The following C13orf42 variants were observed in gnomAD, a reference collection of about 807,000 sequenced individuals.
C13orf42 encodes uncharacterized protein C13orf42.
intron 1 of C13orf42, among the ~76,000 whole-genome samples, chr13:51,129,524 T>C (rs1953599635): frequency 6.6e-6 from 1 of 152,148 alleles, no homozygotes; most frequent in Non-Finnish European, 1.5e-5. Flanking sequence ...AAATTTTGAT[T>C]CAGTGTCGGC....
At chr13:51,097,140 G>A (rs1291821335) in intron 1 of C13orf42, among the ~76,000 whole-genome samples, 1 of 152,196 alleles carries the variant, frequency 6.6e-6, no homozygotes, top group Non-Finnish European at 1.5e-5. Context: ...CCATTGTACA[G>A]ACATGCATAG....
intron 1 of C13orf42, among the ~76,000 whole-genome samples, chr13:51,088,917 A>G (rs1369095314): frequency 6.6e-6 from 1 of 152,182 alleles, no homozygotes; most frequent in Non-Finnish European, 1.5e-5. Flanking sequence ...AGTGACTGAT[A>G]CCATGGAAGT....
At chr13:51,151,159 C>T (rs1326400204) in intron 1 of C13orf42, among the ~76,000 whole-genome samples, 4 of 152,202 alleles carry the variant, frequency 2.6e-5, no homozygotes, top group African/African-American at 9.6e-5. Flanking sequence ...GTTACATATG[C>T]GAATATGTTA....
chr13:51,110,707 C>G, intron 1 of C13orf42, 89 bp downstream of exon 1: 1 of 397,602 alleles, frequency 2.5e-6, no homozygotes, highest in African/African-American at 2.1e-5. Flanking sequence ...ATTAATTAAG[C>G]CATGCAGAGG....
upstream of C13orf42, among the ~76,000 whole-genome samples, chr13:51,112,882 C>T (rs1953448595): frequency 6.6e-6 from 1 of 152,134 alleles, no homozygotes; most frequent in African/African-American, 2.4e-5. Context: ...TCACCGAGTT[C>T]CCAGGTATCC....
intron 1 of C13orf42, among the ~76,000 whole-genome samples, chr13:51,145,508 C>G (rs1225455514): frequency 6.6e-6 from 1 of 152,106 alleles, no homozygotes; most frequent in Non-Finnish European, 1.5e-5. Flanking sequence ...GATTCATTTT[C>G]TTGTAAAATG....
chr13:51,153,204 C>T (rs1297927025), intron 1 of C13orf42, among the ~76,000 whole-genome samples: 2 of 152,178 alleles, frequency 1.3e-5, no homozygotes, highest in Non-Finnish European at 2.9e-5. Flanking sequence ...CTTCAACACC[C>T]CCTCCCCTGT....
rs1206289963 is a variant in C13orf42 at position 51,153,630 on chromosome 13, C to CTTTTTTTTTTTTTTTT, written n.136+18607_136+18622dup. On this transcript the variant is annotated intron_variant and non_coding_transcript_variant, in intron 1 of 4. Coordinates refer to the C13orf42 transcript ENST00000433280. ...CATTTTCTTGCTTTCTGTTTTTTTT[C>CTTTTTTTTTTTTTTTT]TTTTTTTTTTTTTTTTTTTTTTTTT... is the stretch of plus-strand genomic sequence containing the variant. 3.4e-3 allele frequency among the ~76,000 whole-genome samples: 275 copies of CTTTTTTTTTTTTTTTT among 81,260 alleles called. 6 individuals are homozygous for CTTTTTTTTTTTTTTTT. Among genetic ancestry groups the CTTTTTTTTTTTTTTTT allele is most frequent in the Non-Finnish European group, 4.8e-3 (199 of 41,590 alleles). The allele number at this position is 81,260 out of a possible 152,430, so 53.3% of individuals were successfully genotyped here. A position where few individuals can be genotyped will look rare whatever the true frequency, so the allele number is the denominator to read the frequency against.
At chr13:51,149,312 G>GAAAAAAAAAAA (rs60935214) in intron 1 of C13orf42, among the ~76,000 whole-genome samples, 1 of 103,082 alleles carries the variant, frequency 9.7e-6, no homozygotes, top group Non-Finnish European at 1.9e-5. Context: ...GGCTGAAATT[G>GAAAAAAAAAAA]AAAAAAAAAA....
At chr13:51,097,510 T>C (rs1369072710) in intron 1 of C13orf42, among the ~76,000 whole-genome samples, 1 of 152,232 alleles carries the variant, frequency 6.6e-6, no homozygotes, top group Non-Finnish European at 1.5e-5. Flanking sequence ...GAACTCATGC[T>C]GAGCTCAGCT....
At chr13:51,091,690 T>C (rs895471603) in intron 1 of C13orf42, among the ~76,000 whole-genome samples, 1 of 152,128 alleles carries the variant, frequency 6.6e-6, no homozygotes, top group African/African-American at 2.4e-5. Context: ...ACACAGTGGC[T>C]GAATCATCAC....
chr13:51,110,042 GCC>G (rs149938080), intron 1 of C13orf42, among the ~76,000 whole-genome samples: 4,167 of 152,244 alleles, frequency 0.027, 180 homozygotes, highest in African/African-American at 0.094. Flanking sequence ...AGTGCCCAAA[GCC>G]ATCCGGGAAT....
At chr13:51,171,368 C>T (rs986638455) in intron 1 of C13orf42, among the ~76,000 whole-genome samples, 1 of 152,092 alleles carries the variant, frequency 6.6e-6, no homozygotes, top group Non-Finnish European at 1.5e-5. Context: ...AGGTGCCTGA[C>T]GTCCAGGCAT....
chr13:51,119,119 C>T (rs768031270), intron 1 of C13orf42, among the ~76,000 whole-genome samples: 4 of 150,060 alleles, frequency 2.7e-5, no homozygotes, highest in African/African-American at 4.9e-5. Context: ...TGTGCCCAGG[C>T]GTATGGCATG....
At chr13:51,126,793 C>A (rs902749192) in intron 1 of C13orf42, among the ~76,000 whole-genome samples, 4 of 152,156 alleles carry the variant, frequency 2.6e-5, no homozygotes, top group African/African-American at 7.2e-5. Context: ...TGGACCAAGG[C>A]CAATGCCACA....
At chr13:51,166,239 A>G (rs952582462) in intron 1 of C13orf42, among the ~76,000 whole-genome samples, 2 of 151,588 alleles carry the variant, frequency 1.3e-5, no homozygotes, top group African/African-American at 4.8e-5. Context: ...TGGCACATAT[A>G]CACCATGGAA....
At chr13:51,111,851 G>T (rs1953438242), upstream of C13orf42, among the ~76,000 whole-genome samples, 1 of 149,488 alleles carries the variant, frequency 6.7e-6, no homozygotes, top group East Asian at 2.0e-4. Context: ...CTCTGAGCAG[G>T]CATCTGAGCG....
At chr13:51,108,203 G>A (rs973184195) in intron 1 of C13orf42, among the ~76,000 whole-genome samples, 9 of 152,124 alleles carry the variant, frequency 5.9e-5, no homozygotes, top group Admixed American at 2.0e-4. Context: ...TGACCTCATC[G>A]TAACTAATTA....
intron 1 of C13orf42, among the ~76,000 whole-genome samples, chr13:51,142,388 G>A (rs890345933): frequency 6.6e-6 from 1 of 152,120 alleles, no homozygotes; most frequent in Admixed American, 6.6e-5. Context: ...TGCAATGGCA[G>A]TTTCAGAACT....
Sources: allele counts gnomAD v4.1 joint callset (sites outside exome capture counted in the v4.1 genomes callset), GRCh38; gene constraint gnomAD v4.1.1; transcripts MANE v1.5; gene names NCBI Gene and HGNC (gene_info 2026-07-23, HGNC 2026-07-21).